CDK15: variants seen among roughly 807,000 people sequenced by gnomAD.
The protein encoded by CDK15 is cyclin-dependent kinase 15.
In CDK15, 62 loss-of-function variants were observed where a neutral mutation model predicts 60.3. The observed-to-expected ratio is 1.03, with a 90% CI of 0.84 to 1.27. The LOEUF (loss-of-function observed/expected upper bound fraction) is 1.27. Among genes scored for constraint, CDK15 ranks in the 50% most tolerant of loss-of-function variants. CDK15 has a pLI of 0.00. For missense variants in CDK15, 541 were observed against 527.8 expected, an observed-to-expected ratio of 1.03 and a Z score of -0.25; for synonymous variants, 194 against 195.7, an observed-to-expected ratio of 0.99 and a Z score of 0.07.
chr2:201,890,236 A>G (rs1699597813), intron 12 of CDK15, among the ~76,000 whole-genome samples: 1 of 152,114 alleles, frequency 6.6e-6, no homozygotes, highest in Admixed American at 6.6e-5. Flanking sequence ...CTATTTTTCC[A>G]ACTTTATCTC....
intron 6 of CDK15, among the ~76,000 whole-genome samples, chr2:201,828,848 T>C (rs1003892477): frequency 6.6e-6 from 1 of 152,174 alleles, no homozygotes; most frequent in East Asian, 1.9e-4. Context: ...ATTAAACTAT[T>C]GGCCACTGGT....
intron 12 of CDK15, among the ~76,000 whole-genome samples, chr2:201,884,161 G>T (rs1340385754): frequency 6.6e-6 from 1 of 152,164 alleles, no homozygotes; most frequent in Non-Finnish European, 1.5e-5. Context: ...CATGGTCCTT[G>T]ATCGTCAGGA....
intron 11 of CDK15, among the ~76,000 whole-genome samples, chr2:201,878,900 T>C (rs568462433): frequency 2.0e-5 from 3 of 152,296 alleles, no homozygotes; most frequent in African/African-American, 7.2e-5. Context: ...ACTTTGGTGA[T>C]TAGGTTTCAA....
At position 201,854,893 on chromosome 2, in the gene CDK15, A is replaced by G. The variant is rs1363462142; in HGVS notation, c.965A>G (p.Glu322Gly). The G allele has an allele frequency of 1.9e-5, 30 of 1,613,908 alleles. 1 individual carries two copies. The Admixed American group carries it at 4.3e-4, about 23-fold the overall frequency. Reference protein sequence around the residue: ...KIWEVLGVPTEDTWPGVSKLP... With the variant: ...KIWEVLGVPTGDTWPGVSKLP... ...ATATAGGTGCTGGGAGTCCCTACAG[A>G]GGATACTTGGCCGGGAGTCTCCAAG... The change falls in exon 10 of 14, where the codon GAG becomes GGG. Residue 322 changes from glutamate to glycine, a missense_variant. Glu to Gly is a moderately conservative substitution (Grantham distance 98, BLOSUM62 -2). Coordinates refer to ENST00000652192, the MANE Select transcript of CDK15 (RefSeq NM_001366386.2).
chr2:201,811,853 A>T (rs1353895542), intron 3 of CDK15, among the ~76,000 whole-genome samples: 1 of 152,130 alleles, frequency 6.6e-6, no homozygotes, highest in Non-Finnish European at 1.5e-5. Flanking sequence ...TAGGAGTGCA[A>T]GTGTCTCAGC....
At chr2:201,832,813 G>C (rs1298473435) in intron 6 of CDK15, among the ~76,000 whole-genome samples, 1 of 152,192 alleles carries the variant, frequency 6.6e-6, no homozygotes, top group African/African-American at 2.4e-5. Flanking sequence ...AGATGCTGTT[G>C]AAAAAGAGGA....
chr2:201,844,292 A>G (rs184794270), intron 8 of CDK15, among the ~76,000 whole-genome samples: 95 of 152,336 alleles, frequency 6.2e-4, no homozygotes, highest in Non-Finnish European at 8.4e-4. Flanking sequence ...AAGAAAGTGC[A>G]TGTGGCGAAG....
In CDK15 at chr2:201,870,423, T is replaced by G. The variant is rs1435358430; in HGVS notation, c.1010-1855T>G. 3.3e-5 allele frequency among the ~76,000 whole-genome samples: 5 copies of G among 151,288 alleles called. No homozygotes were observed. The East Asian group carries it at 9.7e-4, about 29-fold the overall frequency. ...GAGGAAGAGATTTTTAAAACCAAAA[T>G]AATGGTTGGGAACGTTGGCTCATGC... On this transcript the variant is annotated intron_variant, in intron 10 of 13. Transcript: ENST00000652192.
chr2:201,886,001 A>G (rs550640349), intron 12 of CDK15, among the ~76,000 whole-genome samples: 35 of 152,150 alleles, frequency 2.3e-4, no homozygotes, highest in Non-Finnish European at 4.4e-4. Context: ...CCTAAAAGCT[A>G]CTCCTTTCCT....
chr2:201,833,858 T>G lies in CDK15; in HGVS notation c.617T>G (p.Phe206Cys). ...GTTTCTTCCTTCCAGCTTTTCATGTTTCAACTTTTGCGGGGCCTGGCGTAC... is the reference window on the plus strand; with the variant it reads ...GTTTCTTCCTTCCAGCTTTTCATGTGTCAACTTTTGCGGGGCCTGGCGTAC... ...LHPHNVRLFM[F>C]QLLRGLAYIH... is the part of the protein sequence containing the mutation. The change falls in exon 7 of 14, where the codon TTT becomes TGT. Residue 206 changes from phenylalanine to cysteine, a missense_variant. Phe to Cys is a radical substitution (Grantham distance 205). Coordinates refer to ENST00000652192, the MANE Select transcript of CDK15 (RefSeq NM_001366386.2). 6.2e-7 allele frequency: 1 copy of G among 1,613,884 alleles called. No homozygotes were observed. The highest frequency in any genetic ancestry group is 8.5e-7 in the Non-Finnish European group (1 of 1,179,886).
chr2:201,851,570 A>G (rs1012129771), intron 9 of CDK15, among the ~76,000 whole-genome samples: 1 of 152,174 alleles, frequency 6.6e-6, no homozygotes, highest in Non-Finnish European at 1.5e-5. Context: ...AGGTGGCTAA[A>G]GGCCCCACCT....
At chr2:201,887,149 T>C (rs1699479015) in intron 12 of CDK15, among the ~76,000 whole-genome samples, 1 of 152,238 alleles carries the variant, frequency 6.6e-6, no homozygotes, top group African/African-American at 2.4e-5. Flanking sequence ...CAAATGTTGG[T>C]ATATTGACTC....
intron 10 of CDK15, among the ~76,000 whole-genome samples, chr2:201,858,380 CCCTT>C (rs1698237310): frequency 7.0e-6 from 1 of 143,446 alleles, no homozygotes; most frequent in South Asian, 2.3e-4. Context: ...CTCCCTCCCT[CCCTT>C]CCTTCTCTCT....
In CDK15 at chr2:201,891,386, C is replaced by T. The variant is rs146576708; in HGVS notation, c.*33+459C>T. On this transcript the variant is annotated intron_variant, in intron 13 of 13. Coordinates refer to ENST00000652192, the MANE Select transcript of CDK15 (RefSeq NM_001366386.2). ...TTGCAAATTGAAAACAACTGTTTTC[C>T]GTTAACTAGGGAATTCTCACTGTCA... 1.1e-3 allele frequency among the ~76,000 whole-genome samples: 166 copies of T among 152,286 alleles called. 1 individual carries two copies. The highest frequency in any genetic ancestry group is 3.7e-3 in the African/African-American group (154 of 41,550).
chr2:201,819,618 A>G (rs948277957), intron 4 of CDK15, among the ~76,000 whole-genome samples: 1 of 152,216 alleles, frequency 6.6e-6, no homozygotes. Flanking sequence ...GGCATTTGCA[A>G]TAATTCAGCC....
chr2:201,857,834 AC>A (rs754734740), intron 10 of CDK15, among the ~76,000 whole-genome samples: 3 of 151,910 alleles, frequency 2.0e-5, no homozygotes, highest in Non-Finnish European at 4.4e-5. Context: ...CTTTTGAGCC[AC>A]CCCCTACCCA....
At chr2:201,819,802 G>T (rs762107165) in intron 4 of CDK15, among the ~76,000 whole-genome samples, 2 of 152,162 alleles carry the variant, frequency 1.3e-5, no homozygotes, top group South Asian at 2.1e-4. Flanking sequence ...AAAGATTTCC[G>T]CAAAGAAACT....
At chr2:201,868,584 A>G (rs1574922914) in intron 10 of CDK15, among the ~76,000 whole-genome samples, 2 of 152,342 alleles carry the variant, frequency 1.3e-5, no homozygotes, top group South Asian at 4.1e-4. Context: ...TTGCATTGAG[A>G]AAACTGAGGG....
intron 12 of CDK15, among the ~76,000 whole-genome samples, chr2:201,887,959 G>A (rs1699515805): frequency 1.3e-5 from 2 of 151,814 alleles, no homozygotes; most frequent in South Asian, 2.1e-4. Flanking sequence ...GATTGATGAT[G>A]TGGGAGAGTA....
Sources: gnomAD v4.1 joint callset for allele counts (sites outside exome capture counted in the v4.1 genomes callset) on GRCh38, gnomAD v4.1.1 for gene constraint, MANE v1.5 for transcripts, NCBI Gene and HGNC (gene_info 2026-07-23, HGNC 2026-07-21) for gene names.